Variants in MALRD1 observed in about 807,000 individuals in gnomAD.
MALRD1 encodes MAM and LDL receptor class A domain containing 1.
A neutral mutation model predicts 242.1 loss-of-function variants in MALRD1; 247 were observed. The ratio of observed to expected loss-of-function variants is 1.02; its 90% confidence interval spans 0.92 to 1.13. The LOEUF is 1.13. Among genes scored for constraint, MALRD1 ranks in the 50% most tolerant of loss-of-function variants. The pLI is 0.00. For missense variants in MALRD1, 2,989 were observed against 2,533.1 expected (o/e 1.18, Z -3.86); for synonymous variants, 995 against 866.6 (o/e 1.15, Z -2.60).
intron 38 of MALRD1, among the ~76,000 whole-genome samples, chr10:19,714,608 C>A (rs1834294597): frequency 2.0e-5 from 3 of 152,132 alleles, no homozygotes; most frequent in Non-Finnish European, 4.4e-5. Flanking sequence ...AGAGCCCTCA[C>A]CAGGGACCTG....
At chr10:19,073,347 A>C (rs1196457691) in intron 2 of MALRD1, among the ~76,000 whole-genome samples, 1 of 152,160 alleles carries the variant, frequency 6.6e-6, no homozygotes, top group Non-Finnish European at 1.5e-5. Flanking sequence ...TTAATGCAAA[A>C]GCTTTTATTA....
chr10:19,331,336 G>C (rs1748430321), intron 23 of MALRD1, 33 bp from the exon 24 acceptor site: 1 of 1,510,792 alleles, frequency 6.6e-7, no homozygotes, highest in Non-Finnish European at 9.0e-7. Context: ...CTTCTTGATT[G>C]ACAGTTTAAC....
intron 28 of MALRD1, among the ~76,000 whole-genome samples, chr10:19,449,175 G>GTTTA (rs1010730366): frequency 3.9e-5 from 6 of 151,968 alleles, no homozygotes; most frequent in African/African-American, 7.2e-5. Flanking sequence ...TTTTAGTTTA[G>GTTTA]TTTATTTATT....
chr10:19,280,844 C>G (rs1840771180), intron 20 of MALRD1, among the ~76,000 whole-genome samples: 1 of 152,182 alleles, frequency 6.6e-6, no homozygotes, highest in African/African-American at 2.4e-5. Context: ...TAATCTGTGT[C>G]TTAATGAGCA....
rs770420274 is a variant in MALRD1 at position 19,387,699 on chromosome 10, T to C, written c.4613T>C (p.Phe1538Ser). The C allele has an allele frequency of 6.5e-7, 1 of 1,550,342 alleles. No homozygotes were observed. The highest frequency in any genetic ancestry group is 1.7e-4 in the Middle Eastern group (1 of 5,992). ...TGGCAAAACTCCCAGGCTGACAACT[T>C]TGATTGGGTTTTAGGGGTTGGCTCT... ...CGWQNSQADN[F>S]DWVLGVGSHQ... Residue 1538 changes from phenylalanine (F) to serine (S), a missense_variant, in exon 27 of 40, where the codon TTT becomes TCT. By Grantham distance (155) the Phe-to-Ser change is radical. Transcript: ENST00000454679.
At chr10:19,165,242 A>ATATATATATATATATATATATATAT (rs1834626030) in intron 12 of MALRD1, among the ~76,000 whole-genome samples, 1 of 69,814 alleles carries the variant, frequency 1.4e-5, no homozygotes. Flanking sequence ...AGTTGTTTGG[A>ATATATATATATATATATATATATAT]ATATATATAT....
At chr10:19,049,597 G>C (rs757890921) in intron 1 of MALRD1, among the ~76,000 whole-genome samples, 2 of 152,172 alleles carry the variant, frequency 1.3e-5, no homozygotes, top group African/African-American at 4.8e-5. Context: ...GGTACCAATT[G>C]CATGTGGGAT....
At position 19,389,286 on chromosome 10, in the gene MALRD1, C is replaced by A. The variant is rs1846230321; in HGVS notation, c.4688-166C>A. 5 of 776,934 alleles carry A rather than the reference C, an allele frequency of 6.4e-6. No homozygotes were observed. The South Asian group carries it at 7.3e-5, about 11-fold the overall frequency. The allele number at this position is 776,934 out of a possible 1,614,324, so 48.1% of individuals were successfully genotyped here. ...AGACAGTTGGAAATTGTTCTGTCAG[C>A]AAGCTAGAGGCGAGGCTATTAGATT... On this transcript the variant is annotated intron_variant, in intron 27 of 39. Transcript: ENST00000454679.
chr10:19,613,116 G>A (rs1460836527), intron 35 of MALRD1, among the ~76,000 whole-genome samples: 1 of 151,778 alleles, frequency 6.6e-6, no homozygotes, highest in African/African-American at 2.4e-5. Flanking sequence ...TGCTAAGATT[G>A]GGCTTATCAA....
chr10:19,455,432 G>A (rs1835594809), intron 29 of MALRD1, among the ~76,000 whole-genome samples: 1 of 152,114 alleles, frequency 6.6e-6, no homozygotes, highest in Admixed American at 6.5e-5. Flanking sequence ...TCAGCAATAA[G>A]ACCACTAGGT....
chr10:19,668,068 C>T (rs532405572), intron 36 of MALRD1, among the ~76,000 whole-genome samples: 1 of 152,256 alleles, frequency 6.6e-6, no homozygotes, highest in Non-Finnish European at 1.5e-5. Flanking sequence ...CTCATGCTTT[C>T]AACACCTCCC....
At chr10:19,447,271 A>C (rs1379656794) in intron 28 of MALRD1, among the ~76,000 whole-genome samples, 1 of 152,194 alleles carries the variant, frequency 6.6e-6, no homozygotes, top group Non-Finnish European at 1.5e-5. Context: ...TGCTGAATAA[A>C]GGAATGAATG....
At chr10:19,527,260 G>A (rs911439613) in intron 31 of MALRD1, among the ~76,000 whole-genome samples, 1 of 152,104 alleles carries the variant, frequency 6.6e-6, no homozygotes, top group Non-Finnish European at 1.5e-5. Context: ...TACAAAGGAT[G>A]GAGCATTTGG....
intron 29 of MALRD1, chr10:19,489,056 G>C: frequency 2.2e-6 from 1 of 458,136 alleles, no homozygotes; most frequent in South Asian, 1.5e-5. Context: ...GTGGAGGGGC[G>C]GCAGCGCCAG....
chr10:19,369,378 A>T (rs1845265891), intron 26 of MALRD1, among the ~76,000 whole-genome samples: 1 of 115,694 alleles, frequency 8.6e-6, no homozygotes, highest in African/African-American at 3.6e-5. Flanking sequence ...TATACAACAT[A>T]TTGAAATATA....
chr10:19,568,845 T>G (rs1564447561), intron 33 of MALRD1, among the ~76,000 whole-genome samples: 1 of 152,084 alleles, frequency 6.6e-6, no homozygotes, highest in Non-Finnish European at 1.5e-5. Context: ...ATTTCTTAAT[T>G]TTTTCACACG....
chr10:19,057,658 C>CTA (rs1834707949), intron 1 of MALRD1, among the ~76,000 whole-genome samples: 1 of 152,134 alleles, frequency 6.6e-6, no homozygotes, highest in South Asian at 2.1e-4. Flanking sequence ...CATGACAAGA[C>CTA]TATGCTTCTT....
At position 19,352,306 on chromosome 10, in the gene MALRD1, T is replaced by C; in HGVS notation, c.4441+9T>C. ...AGTGCCTCTTCCAACAGGTACATTC[T>C]AATCTGTGTGTGTGTGTGGTATTTT... On this transcript the variant is annotated intron_variant, in intron 26 of 39. Transcript: ENST00000454679. 7.1e-7 allele frequency: 1 copy of C among 1,416,966 alleles called. No individual in the cohort carries two copies. The highest frequency in any genetic ancestry group is 2.7e-5 in the East Asian group (1 of 37,344). 87.8% of individuals were successfully genotyped at this position (1,416,966 alleles called of 1,614,324 possible).
intron 28 of MALRD1, among the ~76,000 whole-genome samples, chr10:19,413,358 C>A (rs765036302): frequency 1.2e-4 from 18 of 151,918 alleles, no homozygotes; most frequent in Admixed American, 7.2e-4. Context: ...GATTTATGTT[C>A]TCAGAAAAAG....
Sources: allele counts gnomAD v4.1 joint callset (sites outside exome capture counted in the v4.1 genomes callset), GRCh38; gene constraint gnomAD v4.1.1; transcripts MANE v1.5; gene names NCBI Gene and HGNC (gene_info 2026-07-23, HGNC 2026-07-21).